Variants in LUZP2 observed in about 807,000 individuals in gnomAD.
LUZP2 encodes leucine zipper protein 2.
A neutral mutation model predicts 51.6 loss-of-function variants in LUZP2; 52 were observed. The ratio of observed to expected loss-of-function variants is 1.01; its 90% CI spans 0.81 to 1.27. LUZP2 has a LOEUF of 1.27. Ranked by LOEUF, LUZP2 falls within the 50% of genes most tolerant of loss-of-function variation. The probability of loss-of-function intolerance (pLI) is 0.00; values close to 1 mark genes in which losing one functional copy is unlikely to be tolerated. For missense variants in LUZP2, 436 were observed against 395.4 expected, an observed-to-expected ratio of 1.10 and a Z score of -0.87; for synonymous variants, 154 against 137.3, an observed-to-expected ratio of 1.12 and a Z score of -0.85.
chr11:24,558,326 A>AT (rs1851932516), intron 1 of LUZP2, among the ~76,000 whole-genome samples: 1 of 151,376 alleles, frequency 6.6e-6, no homozygotes, highest in Non-Finnish European at 1.5e-5. Context: ...TACAGGTGGG[A>AT]TTTTTTCGGA....
intron 1 of LUZP2, among the ~76,000 whole-genome samples, chr11:24,531,119 C>G (rs1326650824): frequency 2.7e-5 from 4 of 148,828 alleles, no homozygotes; most frequent in Non-Finnish European, 1.5e-5. Context: ...TCATAATGCA[C>G]TGTGTTTCAC....
intron 1 of LUZP2, among the ~76,000 whole-genome samples, chr11:24,686,615 A>T (rs534476660): frequency 2.3e-4 from 35 of 152,226 alleles, no homozygotes; most frequent in African/African-American, 8.2e-4. Flanking sequence ...GCCCACCTAA[A>T]TAGCTTCACA....
intron 1 of LUZP2, among the ~76,000 whole-genome samples, chr11:24,621,596 A>AGATT (rs1249399894): frequency 6.6e-6 from 1 of 152,136 alleles, no homozygotes; most frequent in Non-Finnish European, 1.5e-5. Context: ...GAAAAGCCTG[A>AGATT]GATTCTTACT....
intron 9 of LUZP2, among the ~76,000 whole-genome samples, chr11:25,024,070 G>C (rs1284064635): frequency 6.6e-6 from 1 of 152,062 alleles, no homozygotes; most frequent in South Asian, 2.1e-4. Flanking sequence ...GGTCAGTTTT[G>C]GAGTAAGTGC....
At chr11:24,581,813 CA>C (rs1050584468) in intron 1 of LUZP2, among the ~76,000 whole-genome samples, 1 of 151,992 alleles carries the variant, frequency 6.6e-6, no homozygotes, top group African/African-American at 2.4e-5. Context: ...TTAACTCTCA[CA>C]ACAAAGTTAG....
At chr11:24,983,089 G>A (rs766322107) in intron 8 of LUZP2, 37 bp from the exon 9 acceptor site, 1 of 1,603,442 alleles carries the variant, frequency 6.2e-7, no homozygotes, top group Non-Finnish European at 8.5e-7. Context: ...GATGAGCATA[G>A]CTAAATGTAA....
chr11:24,753,752 C>A (rs150120628), intron 4 of LUZP2, among the ~76,000 whole-genome samples: 1 of 152,104 alleles, frequency 6.6e-6, no homozygotes, highest in African/African-American at 2.4e-5. Flanking sequence ...CTCTCTTGTG[C>A]GAAAGACTTT....
At chr11:24,499,420 A>T (rs968431538) in intron 1 of LUZP2, among the ~76,000 whole-genome samples, 2 of 152,214 alleles carry the variant, frequency 1.3e-5, no homozygotes, top group African/African-American at 4.8e-5. Flanking sequence ...AACAGTTCTT[A>T]TAGGCACATG....
intron 7 of LUZP2, among the ~76,000 whole-genome samples, chr11:24,938,261 A>G (rs1163635693): frequency 6.6e-6 from 1 of 152,138 alleles, no homozygotes; most frequent in Admixed American, 6.5e-5. Flanking sequence ...CTATTTTTTA[A>G]TTAAAGAAAA....
At chr11:24,982,572 G>C (rs1457316073) in intron 8 of LUZP2, among the ~76,000 whole-genome samples, 2 of 151,840 alleles carry the variant, frequency 1.3e-5, no homozygotes, top group South Asian at 4.1e-4. Flanking sequence ...GGAAGACAAA[G>C]AAGGAAACAA....
rs16913574 is a variant in LUZP2 at position 25,058,503 on chromosome 11, A to G, written c.858+8373A>G. Among the ~76,000 whole-genome samples the G allele has an allele frequency of 6.6e-3, 1,003 of 152,312 alleles. 33 individuals carry two copies. In the East Asian group the frequency reaches 0.1, roughly 15 times the overall value. On this transcript the variant is annotated intron_variant, in intron 10 of 11. Coordinates refer to ENST00000336930, the MANE Select transcript of LUZP2 (RefSeq NM_001009909.4). ...CTCCTCCCATTTACCTATGAGACAC[A>G]TAAGGACTTCCTTCTCTGGGTTTCC...
intron 1 of LUZP2, among the ~76,000 whole-genome samples, chr11:24,599,819 A>T (rs1367381595): frequency 6.6e-6 from 1 of 151,594 alleles, no homozygotes; most frequent in South Asian, 2.1e-4. Flanking sequence ...AAAAGTACGT[A>T]AAAAAAACAA....
intron 1 of LUZP2, among the ~76,000 whole-genome samples, chr11:24,728,586 T>C (rs1473123204): frequency 6.6e-6 from 1 of 151,972 alleles, no homozygotes; most frequent in African/African-American, 2.4e-5. Flanking sequence ...GACTAAAACA[T>C]CTCATTTACT....
intron 1 of LUZP2, among the ~76,000 whole-genome samples, chr11:24,608,433 A>T (rs1854007919): frequency 6.6e-6 from 1 of 152,228 alleles, no homozygotes; most frequent in Non-Finnish European, 1.5e-5. Context: ...AATGGTTTAG[A>T]AAATTATTTT....
intron 6 of LUZP2, among the ~76,000 whole-genome samples, chr11:24,912,887 T>C (rs1477667851): frequency 6.6e-6 from 1 of 152,150 alleles, no homozygotes; most frequent in Non-Finnish European, 1.5e-5. Flanking sequence ...AACATATACA[T>C]GCATTGTAAG....
intron 1 of LUZP2, chr11:24,646,706 A>ACAGT: frequency 1.8e-6 from 1 of 553,774 alleles, no homozygotes; most frequent in Non-Finnish European, 2.3e-6. Context: ...CTCATTGGCC[A>ACAGT]TAACTGTGTC....
In LUZP2 at chr11:25,064,443, A is replaced by G. The variant is rs539092773; in HGVS notation, c.859-12886A>G. On this transcript the variant is annotated intron_variant, in intron 10 of 11. Transcript: ENST00000336930. The stretch of plus-strand genomic sequence containing the variant: ...CTCTTAAAAAACATGAGCAGCATGT[A>G]AACTTCTTTTTTTAACTATTCAAAT... Among the ~76,000 whole-genome samples, 421 of 152,160 alleles carry G rather than the reference A, an allele frequency of 2.8e-3. 3 individuals carry two copies. The highest frequency in any genetic ancestry group is 4.1e-3 in the Non-Finnish European group (281 of 67,986).
At chr11:24,615,867 A>G (rs186574581) in intron 1 of LUZP2, among the ~76,000 whole-genome samples, 52 of 151,380 alleles carry the variant, frequency 3.4e-4, no homozygotes, top group African/African-American at 1.3e-3. Context: ...ATTCTGATGT[A>G]TAGTGATACC....
At chr11:24,618,363 T>C (rs1200822537) in intron 1 of LUZP2, among the ~76,000 whole-genome samples, 1 of 152,184 alleles carries the variant, frequency 6.6e-6, no homozygotes, top group Non-Finnish European at 1.5e-5. Context: ...CCTTCTCTTA[T>C]ATTACCATAT....
Sources: gnomAD v4.1 joint callset for allele counts (sites outside exome capture counted in the v4.1 genomes callset) on GRCh38, gnomAD v4.1.1 for gene constraint, MANE v1.5 for transcripts, NCBI Gene and HGNC (gene_info 2026-07-23, HGNC 2026-07-21) for gene names.